Variants in SNRPN observed in about 807,000 individuals in gnomAD.
The protein encoded by SNRPN is small nuclear ribonucleoprotein-associated protein N.
In SNRPN, 7 loss-of-function variants were observed where a neutral mutation model predicts 25.2. The observed-to-expected ratio is 0.28, with a 90% CI of 0.16 to 0.52. The LOEUF is 0.52. Ranked by LOEUF, SNRPN falls within the 20% of genes least tolerant of loss-of-function variation. The pLI is 0.96. For missense variants in SNRPN, 196 were observed against 322.5 expected (o/e 0.61, Z 3.00); for synonymous variants, 124 against 110.6 (o/e 1.12, Z -0.76).
intron 3 of SNRPN, among the ~76,000 whole-genome samples, chr15:24,923,876 CGTGTAT>C (rs1218550068): frequency 0.033 from 3,582 of 106,952 alleles, 63 homozygotes; most frequent in Middle Eastern, 0.081. Flanking sequence ...TTTTTAGTGC[CGTGTAT>C]GTGTGTGTGT....
chr15:24,949,561 G>A (rs887314068), intron 3 of SNRPN, among the ~76,000 whole-genome samples: 5 of 152,062 alleles, frequency 3.3e-5, no homozygotes, highest in Admixed American at 6.5e-5. Flanking sequence ...TGAGGTGGGA[G>A]GATTACTTGA....
chr15:24,941,419 C>T (rs2061549762), intron 3 of SNRPN, among the ~76,000 whole-genome samples: 1 of 152,236 alleles, frequency 6.6e-6, no homozygotes, highest in Non-Finnish European at 1.5e-5. Context: ...GTCTACTACT[C>T]ATTATGTATT....
rs376797628 is a variant in SNRPN, at chr15:24,976,288, T to G, written c.156-17T>G. 3.7e-6 allele frequency: 6 copies of G among 1,605,200 alleles called. No homozygotes were observed. Among genetic ancestry groups the G allele is most frequent in the Non-Finnish European group, 8.5e-7 (1 of 1,172,160 alleles). The stretch of plus-strand genomic sequence containing the variant: ...TCACTAAAATTTATCTCACTAAAAT[T>G]TAATTCTGATTTGTAGGCCAAAGAA... On this transcript the variant is annotated splice_polypyrimidine_tract_variant and intron_variant, in intron 5 of 9. Coordinates refer to ENST00000390687, the MANE Select transcript of SNRPN (RefSeq NM_003097.6).
At chr15:24,908,308 G>T (rs1175517102) in intron 2 of SNRPN, among the ~76,000 whole-genome samples, 4 of 152,190 alleles carry the variant, frequency 2.6e-5, no homozygotes, top group Non-Finnish European at 5.9e-5. Context: ...TGTAGAGGCT[G>T]CTTTGGAACT....
At chr15:24,868,364 G>A (rs1003438292) in intron 1 of SNRPN, among the ~76,000 whole-genome samples, 2 of 152,170 alleles carry the variant, frequency 1.3e-5, no homozygotes, top group East Asian at 1.9e-4. Context: ...GTTGTCCAGA[G>A]GCTGCATTCA....
intron 2 of SNRPN, among the ~76,000 whole-genome samples, chr15:24,918,125 A>G (rs973026479): frequency 1.3e-5 from 2 of 151,788 alleles, no homozygotes; most frequent in Non-Finnish European, 2.9e-5. Context: ...AAAAGTACGT[A>G]TCTGTATGTG....
chr15:24,860,260 C>T (rs1566834856), intron 1 of SNRPN, among the ~76,000 whole-genome samples: 1 of 152,096 alleles, frequency 6.6e-6, no homozygotes, highest in Non-Finnish European at 1.5e-5. Context: ...CTCTTTCATT[C>T]TTTTATTGTA....
At chr15:24,954,961 C>A, upstream of SNRPN, 1 of 1,584,052 alleles carries the variant, frequency 6.3e-7, no homozygotes, top group Non-Finnish European at 8.6e-7. Context: ...GTGTGCGAAG[C>A]CTGCCGCTGC....
At position 24,944,309 on chromosome 15, in the gene SNRPN, G is replaced by C. The variant is rs1333744164; in HGVS notation, c.-390-17805G>C. 2.6e-5 allele frequency among the ~76,000 whole-genome samples: 4 copies of C among 152,338 alleles called. No homozygotes were observed. The East Asian group carries it at 7.7e-4, about 29-fold the overall frequency. On this transcript the variant is annotated intron_variant, in intron 3 of 11. Coordinates refer to the SNRPN transcript ENST00000400097. ...TAATTTTCCCCCTACTTTGTTCAGTGAAATTAGGTGCAACTAGACAGTCTC... is the reference window on the plus strand; with the variant it reads ...TAATTTTCCCCCTACTTTGTTCAGTCAAATTAGGTGCAACTAGACAGTCTC...
At chr15:24,832,971 G>A (rs1275019084) in intron 2 of SNRPN, among the ~76,000 whole-genome samples, 3 of 151,806 alleles carry the variant, frequency 2.0e-5, no homozygotes, top group Admixed American at 6.6e-5. Context: ...CAGGCGTGGT[G>A]GCAGGCGCCT....
intron 2 of SNRPN, among the ~76,000 whole-genome samples, chr15:24,833,933 T>G (rs1296614949): frequency 6.6e-6 from 1 of 152,114 alleles, no homozygotes; most frequent in Non-Finnish European, 1.5e-5. Flanking sequence ...TTCTTTATTT[T>G]ATTTTATTTT....
chr15:24,894,819 A>G (rs1270306672), intron 2 of SNRPN, among the ~76,000 whole-genome samples: 1 of 152,196 alleles, frequency 6.6e-6, no homozygotes, highest in Non-Finnish European at 1.5e-5. Flanking sequence ...TGCAGACTCC[A>G]GAATGAAGTG....
At chr15:24,938,079 G>A (rs963285048) in intron 3 of SNRPN, among the ~76,000 whole-genome samples, 10 of 150,968 alleles carry the variant, frequency 6.6e-5, no homozygotes, top group Admixed American at 6.6e-4. Context: ...GAACATGGGT[G>A]TGCAGATACC....
chr15:24,880,524 A>C (rs962816039), intron 1 of SNRPN, among the ~76,000 whole-genome samples: 2 of 152,166 alleles, frequency 1.3e-5, no homozygotes, highest in Non-Finnish European at 2.9e-5. Flanking sequence ...GTTACTACTT[A>C]GTCCTCAAAC....
chr15:24,902,528 A>C (rs1269928918), intron 2 of SNRPN, among the ~76,000 whole-genome samples: 2 of 152,160 alleles, frequency 1.3e-5, no homozygotes, highest in Non-Finnish European at 2.9e-5. Flanking sequence ...GGTCTTGCTG[A>C]CTTCAAGAAT....
At chr15:24,824,080 T>C (rs1235039923) in intron 1 of SNRPN, among the ~76,000 whole-genome samples, 1 of 152,108 alleles carries the variant, frequency 6.6e-6, no homozygotes, top group East Asian at 1.9e-4. Flanking sequence ...GAAAGACAAA[T>C]GTTACATATT....
intron 3 of SNRPN, among the ~76,000 whole-genome samples, chr15:24,972,138 C>G (rs2076489832): frequency 1.3e-5 from 2 of 151,828 alleles, no homozygotes; most frequent in Admixed American, 1.3e-4. Context: ...CGCCTGTAAT[C>G]CTAGCTACTC....
At chr15:24,977,074 T>C in intron 7 of SNRPN, 45 bp downstream of exon 7, 2 of 1,466,012 alleles carry the variant, frequency 1.4e-6, no homozygotes, top group Non-Finnish European at 1.8e-6. Flanking sequence ...AGAATATGAC[T>C]AAGCCGGAGG....
intron 3 of SNRPN, among the ~76,000 whole-genome samples, chr15:24,946,007 G>T (rs538643925): frequency 7.2e-4 from 110 of 152,274 alleles, no homozygotes; most frequent in Non-Finnish European, 1.5e-3. Context: ...ATGTGTGTGT[G>T]TCCTGTTTTG....
Sources: gnomAD v4.1 joint callset for allele counts (sites outside exome capture counted in the v4.1 genomes callset) on GRCh38, gnomAD v4.1.1 for gene constraint, MANE v1.5 for transcripts, NCBI Gene and HGNC (gene_info 2026-07-23, HGNC 2026-07-21) for gene names.